Variants in MNAT1 observed in about 807,000 individuals in gnomAD.
MNAT1 encodes MNAT1 component of CDK activating kinase.
MNAT1 carries 43 observed loss-of-function variants against 42.0 expected under a neutral mutation model. That is an observed-to-expected ratio of 1.02 (90% CI 0.80 to 1.32). The LOEUF (loss-of-function observed/expected upper bound fraction) is 1.32, where lower values mean the gene tolerates loss of function less well. Ranked by LOEUF, MNAT1 falls within the 40% of genes most tolerant of loss-of-function variation. The probability of loss-of-function intolerance (pLI) is 0.00; values close to 1 mark genes in which losing one functional copy is unlikely to be tolerated. For missense variants in MNAT1, 306 were observed against 350.4 expected (o/e 0.87, Z 1.01); for synonymous variants, 118 against 120.0 (o/e 0.98, Z 0.11).
rs764012429 is a variant in MNAT1 at position 60,734,872 on chromosome 14, C to G, written c.10C>G (p.Gln4Glu). 6.2e-7 allele frequency: 1 copy of G among 1,614,086 alleles called. No individual in the cohort carries two copies. ...TAGGAGGGAAACCGCCATGGACGATCAGGGTTGCCCTCGGTGTAAGACCAC... is the reference window on the plus strand; with the variant it reads ...TAGGAGGGAAACCGCCATGGACGATGAGGGTTGCCCTCGGTGTAAGACCAC... MDD[Q>E]GCPRCKTTKY... The change falls in exon 1 of 8, where the codon CAG becomes GAG. Residue 4 changes from glutamine to glutamate, a missense_variant. Coordinates refer to ENST00000261245, the MANE Select transcript of MNAT1 (RefSeq NM_002431.4). This position sits in a 1 kb window ranked among gnomAD's most constrained non-coding sequence, Gnocchi z 4.3.
chr14:60,843,265 C>T (rs987826889), intron 6 of MNAT1, among the ~76,000 whole-genome samples: 1 of 151,850 alleles, frequency 6.6e-6, no homozygotes. Flanking sequence ...TTTATTCATT[C>T]GTTTGCCTTT....
At chr14:60,769,235 A>G (rs565278926) in intron 1 of MNAT1, among the ~76,000 whole-genome samples, 2 of 152,270 alleles carry the variant, frequency 1.3e-5, no homozygotes, top group African/African-American at 2.4e-5. Context: ...TGTGGATTCT[A>G]TATAAGTGTA....
chr14:60,954,659 A>G (rs1349441023), intron 7 of MNAT1, among the ~76,000 whole-genome samples: 3 of 152,126 alleles, frequency 2.0e-5, no homozygotes. Context: ...AGGGTTTTCT[A>G]TAAATAAGAT....
At chr14:60,738,148 A>C (rs1262708501) in intron 1 of MNAT1, among the ~76,000 whole-genome samples, 1 of 151,408 alleles carries the variant, frequency 6.6e-6, no homozygotes, top group Non-Finnish European at 1.5e-5. Context: ...CTATTGCCAC[A>C]CAACTTTGCC....
At chr14:60,870,838 C>T (rs2034310094) in intron 6 of MNAT1, among the ~76,000 whole-genome samples, 1 of 152,010 alleles carries the variant, frequency 6.6e-6, no homozygotes, top group Non-Finnish European at 1.5e-5. Context: ...TTTCAGTAAT[C>T]CAATTTTAGG....
intron 6 of MNAT1, among the ~76,000 whole-genome samples, chr14:60,858,194 G>A (rs1405328273): frequency 2.6e-5 from 4 of 152,182 alleles, no homozygotes; most frequent in African/African-American, 9.7e-5. Context: ...CCTACCAACA[G>A]TGTAAAAGCA....
chr14:60,876,215 T>C (rs1457681209), intron 6 of MNAT1, among the ~76,000 whole-genome samples: 4 of 152,086 alleles, frequency 2.6e-5, no homozygotes, highest in African/African-American at 9.7e-5. Flanking sequence ...TGGTCTGAAA[T>C]TGGATTATTC....
rs117776391 is a variant in MNAT1 at position 60,827,931 on chromosome 14, A to G, written c.687+9084A>G. 1.8e-3 allele frequency among the ~76,000 whole-genome samples: 268 copies of G among 152,284 alleles called. No homozygotes were observed. The East Asian group carries it at 0.028, about 16-fold the overall frequency. On this transcript the variant is annotated intron_variant, in intron 6 of 7. Coordinates refer to ENST00000261245, the MANE Select transcript of MNAT1 (RefSeq NM_002431.4). ...CACATGGATATCCCTGAAGAGTTAC[A>G]TGTAAGTAAATAGAAATTTGGTTAA...
intron 7 of MNAT1, among the ~76,000 whole-genome samples, chr14:60,886,253 C>A (rs2034667727): frequency 6.6e-6 from 1 of 151,800 alleles, no homozygotes; most frequent in Non-Finnish European, 1.5e-5. Flanking sequence ...TTCATGTGAA[C>A]TTTATAATTT....
chr14:60,931,047 G>T (rs1279196155), intron 7 of MNAT1, among the ~76,000 whole-genome samples: 3 of 152,130 alleles, frequency 2.0e-5, no homozygotes, highest in Non-Finnish European at 4.4e-5. Context: ...TATTTGAGAA[G>T]CCTGAAGTAA....
rs142658253 is a variant in MNAT1 at position 60,914,217 on chromosome 14, G to A, written c.809+34382G>A. Reference sequence around the variant, plus strand: ...GGAGTGACCCAATTTTCCAGGTGCCGTCTGTCACCCCTTTCTTTGACTAGG... The same window carrying A: ...GGAGTGACCCAATTTTCCAGGTGCCATCTGTCACCCCTTTCTTTGACTAGG... On this transcript the variant is annotated intron_variant, in intron 7 of 7. Transcript: ENST00000261245. 5.1e-3 allele frequency among the ~76,000 whole-genome samples: 784 copies of A among 152,326 alleles called. 14 individuals are homozygous for A. The highest frequency in any genetic ancestry group is 0.018 in the African/African-American group (731 of 41,574).
intron 7 of MNAT1, among the ~76,000 whole-genome samples, chr14:60,932,665 A>C (rs532063755): frequency 6.6e-6 from 1 of 152,098 alleles, no homozygotes; most frequent in African/African-American, 2.4e-5. Context: ...TAAGAATTTT[A>C]TTCTGCACTA....
chr14:60,764,983 G>A (rs987171551), intron 1 of MNAT1, among the ~76,000 whole-genome samples: 1 of 152,220 alleles, frequency 6.6e-6, no homozygotes, highest in African/African-American at 2.4e-5. Flanking sequence ...AGGCGCGGTT[G>A]CTCATGCTTG....
intron 7 of MNAT1, among the ~76,000 whole-genome samples, chr14:60,902,859 C>T (rs1427564712): frequency 6.6e-6 from 1 of 151,826 alleles, no homozygotes; most frequent in Non-Finnish European, 1.5e-5. Flanking sequence ...ATGTAATTTT[C>T]TACATAATAT....
chr14:60,774,743 G>C (rs4151180), intron 1 of MNAT1, among the ~76,000 whole-genome samples: 1,999 of 152,266 alleles, frequency 0.013, 44 homozygotes, highest in African/African-American at 0.046. Flanking sequence ...AATTAGATGT[G>C]GGTAATTAGG....
At chr14:60,913,045 A>G (rs2035415970) in intron 7 of MNAT1, among the ~76,000 whole-genome samples, 1 of 151,948 alleles carries the variant, frequency 6.6e-6, no homozygotes, top group Admixed American at 6.6e-5. Context: ...TTTTTTCTCT[A>G]AACTTCTCTT....
intron 1 of MNAT1, among the ~76,000 whole-genome samples, chr14:60,790,500 C>G (rs1288200033): frequency 6.6e-6 from 1 of 152,126 alleles, no homozygotes; most frequent in African/African-American, 2.4e-5. Flanking sequence ...ACCTGGAAGC[C>G]CCCACTTCGA....
chr14:60,933,641 A>AAAAAGCAT (rs577296902), intron 7 of MNAT1, among the ~76,000 whole-genome samples: 59 of 152,332 alleles, frequency 3.9e-4, no homozygotes, highest in Non-Finnish European at 7.9e-4. Context: ...TTATTTAAGT[A>AAAAAGCAT]AAAAGCATAA....
At chr14:60,886,985 T>C (rs951531949) in intron 7 of MNAT1, among the ~76,000 whole-genome samples, 6 of 152,208 alleles carry the variant, frequency 3.9e-5, no homozygotes, top group Admixed American at 3.3e-4. Context: ...ATTATAATGT[T>C]AGGCATAGGC....
Sources: allele counts gnomAD v4.1 joint callset (sites outside exome capture counted in the v4.1 genomes callset), GRCh38; gene constraint gnomAD v4.1.1; non-coding constraint Gnocchi (gnomAD v3.1); transcripts MANE v1.5; gene names NCBI Gene and HGNC (gene_info 2026-07-23, HGNC 2026-07-21).